The following TDRD3 variants were observed in gnomAD, a reference collection of about 807,000 sequenced individuals.
TDRD3 encodes tudor domain containing 3.
Under a neutral mutation model 86.7 loss-of-function variants are expected in TDRD3, and 45 were observed. The ratio of observed to expected loss-of-function variants is 0.52; its 90% CI spans 0.41 to 0.67. The LOEUF is 0.67. TDRD3 is among the 30% of genes least tolerant of loss of function. TDRD3 has a pLI of 0.00. For missense variants in TDRD3, 814 were observed against 889.0 expected, an observed-to-expected ratio of 0.92 and a Z score of 1.07; for synonymous variants, 298 against 301.7, an observed-to-expected ratio of 0.99 and a Z score of 0.13.
intron 10 of TDRD3, among the ~76,000 whole-genome samples, chr13:60,515,698 TAAAC>T (rs1202931342): frequency 4.6e-5 from 7 of 152,162 alleles, no homozygotes; most frequent in Admixed American, 6.5e-5. Context: ...TATTGTAAAA[TAAAC>T]AAACAAACAC....
chr13:60,486,567 CAG>C (rs1238047650), intron 7 of TDRD3, among the ~76,000 whole-genome samples: 1 of 152,060 alleles, frequency 6.6e-6, no homozygotes, highest in African/African-American at 2.4e-5. Context: ...ATGATGAAAT[CAG>C]GGTAATTATA....
chr13:60,454,277 T>C lies in TDRD3; in HGVS notation c.193-6103T>C, dbSNP rs1411739850. Among the ~76,000 whole-genome samples, 4 of 152,328 alleles carry C rather than the reference T, an allele frequency of 2.6e-5. No individual in the cohort carries two copies. The East Asian group carries it at 5.8e-4, about 22-fold the overall frequency. On this transcript the variant is annotated intron_variant, in intron 3 of 13. Coordinates refer to ENST00000377881, the MANE Select transcript of TDRD3 (RefSeq NM_001146070.2). ...GTCACATGTATGCTTGAGAAGATAC[T>C]TGTTCCTATTGGGTTTAAAGTTTTG...
chr13:60,478,580 C>T (rs1028900740), intron 5 of TDRD3, among the ~76,000 whole-genome samples: 2 of 152,046 alleles, frequency 1.3e-5, no homozygotes, highest in African/African-American at 2.4e-5. Flanking sequence ...GCTGGGATTA[C>T]AGGCATGAGC....
At chr13:60,521,943 C>CA (rs1433774230) in intron 10 of TDRD3, among the ~76,000 whole-genome samples, 2 of 151,954 alleles carry the variant, frequency 1.3e-5, no homozygotes, top group Admixed American at 1.3e-4. Flanking sequence ...GAGTAACCTC[C>CA]AAAACTGAAT....
At chr13:60,517,747 A>T (rs1046600874) in intron 10 of TDRD3, among the ~76,000 whole-genome samples, 11 of 152,288 alleles carry the variant, frequency 7.2e-5, no homozygotes, top group Admixed American at 7.2e-4. Flanking sequence ...ATTATTTCCA[A>T]TTCTATTTGT....
chr13:60,543,593 A>T (rs909921427), intron 12 of TDRD3, among the ~76,000 whole-genome samples: 1 of 152,050 alleles, frequency 6.6e-6, no homozygotes, highest in Non-Finnish European at 1.5e-5. Context: ...TACATTTCTC[A>T]TTCATAACAT....
intron 2 of TDRD3, among the ~76,000 whole-genome samples, chr13:60,440,318 GT>G (rs1027089546): frequency 4.1e-5 from 6 of 147,432 alleles, no homozygotes; most frequent in African/African-American, 5.0e-5. Context: ...CCCTCTAGCT[GT>G]TTTTTTTTTC....
intron 3 of TDRD3, among the ~76,000 whole-genome samples, chr13:60,458,488 G>T (rs1955729121): frequency 6.6e-6 from 1 of 152,142 alleles, no homozygotes; most frequent in Non-Finnish European, 1.5e-5. Context: ...TTGAATAAGG[G>T]TGCCATGGTT....
intron 1 of TDRD3, among the ~76,000 whole-genome samples, chr13:60,422,228 A>G (rs184845085): frequency 1.0e-3 from 159 of 152,288 alleles, no homozygotes; most frequent in Non-Finnish European, 2.0e-3. Context: ...AAAGGGAAAA[A>G]TTAAGGCCCT....
At chr13:60,451,672 C>T (rs1017413279) in intron 3 of TDRD3, among the ~76,000 whole-genome samples, 1 of 152,126 alleles carries the variant, frequency 6.6e-6, no homozygotes, top group African/African-American at 2.4e-5. Flanking sequence ...CAGTATTCAA[C>T]TTTACAAGAT....
At chr13:60,400,291 C>A (rs1954058775) in intron 1 of TDRD3, among the ~76,000 whole-genome samples, 3 of 152,228 alleles carry the variant, frequency 2.0e-5, no homozygotes, top group Admixed American at 1.3e-4. Flanking sequence ...TCCCTGATCA[C>A]TGTGAGTGGA....
chr13:60,411,369 G>A (rs1954362553), intron 1 of TDRD3, among the ~76,000 whole-genome samples: 1 of 152,188 alleles, frequency 6.6e-6, no homozygotes, highest in African/African-American at 2.4e-5. Context: ...TGTGCCTACT[G>A]AAGTTTGATT....
chr13:60,474,111 A>G (rs1594981924), intron 5 of TDRD3, among the ~76,000 whole-genome samples: 1 of 152,286 alleles, frequency 6.6e-6, no homozygotes. Flanking sequence ...CCTTTTAGAT[A>G]GCAGTAGCAG....
At chr13:60,447,201 A>G (rs1015413232) in intron 3 of TDRD3, among the ~76,000 whole-genome samples, 6 of 152,192 alleles carry the variant, frequency 3.9e-5, no homozygotes, top group Non-Finnish European at 7.4e-5. Flanking sequence ...TATACAATAG[A>G]CTATTTCAAG....
intron 12 of TDRD3, among the ~76,000 whole-genome samples, chr13:60,539,750 C>T (rs1021810199): frequency 2.2e-4 from 34 of 151,584 alleles, no homozygotes; most frequent in African/African-American, 8.0e-4. Context: ...TAAATTATTC[C>T]ATCACTATTA....
intron 12 of TDRD3, among the ~76,000 whole-genome samples, chr13:60,541,199 C>A (rs1314046741): frequency 6.7e-6 from 1 of 150,294 alleles, no homozygotes; most frequent in Non-Finnish European, 1.5e-5. Flanking sequence ...CGGAGCCTTG[C>A]TCTTGTCACC....
chr13:60,514,685 A>G (rs1205586287), intron 10 of TDRD3, among the ~76,000 whole-genome samples: 3 of 152,188 alleles, frequency 2.0e-5, no homozygotes, highest in African/African-American at 7.2e-5. Context: ...TGGTAGAGGT[A>G]GTGCTGTGAG....
intron 3 of TDRD3, among the ~76,000 whole-genome samples, chr13:60,459,650 T>C (rs1955762983): frequency 6.6e-6 from 1 of 152,240 alleles, no homozygotes; most frequent in Non-Finnish European, 1.5e-5. Flanking sequence ...AGACGGAGTC[T>C]CGCTCTGTCA....
At position 60,449,626 on chromosome 13, in the gene TDRD3, G is replaced by C. The variant is rs1262993783; in HGVS notation, c.192+4878G>C. On this transcript the variant is annotated intron_variant, in intron 3 of 13. Coordinates refer to ENST00000377881, the MANE Select transcript of TDRD3 (RefSeq NM_001146070.2). Reference sequence around the variant, plus strand: ...CTACTGTTATTTTGAGGGTTAAATTGAGGCTTTTTACTTTCAGGGAATCTT... The same window carrying C: ...CTACTGTTATTTTGAGGGTTAAATTCAGGCTTTTTACTTTCAGGGAATCTT... Among the ~76,000 whole-genome samples, 2 of 152,038 alleles carry C rather than the reference G, an allele frequency of 1.3e-5. 1 individual carries two copies. Among genetic ancestry groups the C allele is most frequent in the Non-Finnish European group, 2.9e-5 (2 of 67,952 alleles).
Sources: gnomAD v4.1 joint callset for allele counts (sites outside exome capture counted in the v4.1 genomes callset) on GRCh38, gnomAD v4.1.1 for gene constraint, MANE v1.5 for transcripts, NCBI Gene and HGNC (gene_info 2026-07-23, HGNC 2026-07-21) for gene names.